The following ARSJ variants were observed in gnomAD, a reference collection of about 807,000 sequenced individuals.
ARSJ encodes arylsulfatase J.
ARSJ carries 26 observed loss-of-function variants against 35.9 expected under a neutral mutation model. That is an observed-to-expected ratio of 0.72 (90% CI 0.53 to 1.00). The LOEUF (loss-of-function observed/expected upper bound fraction) is 1.00. Among genes scored for constraint, ARSJ ranks in the 50% least tolerant of loss-of-function variants. ARSJ has a pLI of 0.00. For missense variants in ARSJ, 667 were observed against 723.6 expected, an observed-to-expected ratio of 0.92 and a Z score of 0.90; for synonymous variants, 294 against 267.6, an observed-to-expected ratio of 1.10 and a Z score of -0.96.
intron 1 of ARSJ, among the ~76,000 whole-genome samples, chr4:113,971,311 G>A (rs1594519158): frequency 6.6e-6 from 1 of 152,162 alleles, no homozygotes; most frequent in African/African-American, 2.4e-5. Flanking sequence ...ATTTCTAAGA[G>A]TTGTCATTTG....
intron 1 of ARSJ, chr4:113,946,508 A>G (rs1292224114): frequency 1.3e-5 from 2 of 151,736 alleles, no homozygotes; most frequent in African/African-American, 4.8e-5. Flanking sequence ...GTTGTCTCCA[A>G]TGAGAATTTC....
chr4:113,978,333 G>T, intron 1 of ARSJ, 104 bp downstream of exon 1: 2 of 1,071,012 alleles, frequency 1.9e-6, no homozygotes, highest in Non-Finnish European at 2.7e-6. Flanking sequence ...CATTCATTCA[G>T]TTGTTCCCCA....
chr4:113,939,854 T>C (rs1725029231), intron 1 of ARSJ, among the ~76,000 whole-genome samples: 1 of 152,102 alleles, frequency 6.6e-6, no homozygotes, highest in Non-Finnish European at 1.5e-5. Context: ...GCGAAAATTT[T>C]CTCCCATTTT....
chr4:113,932,420 C>A (rs1429278497), intron 1 of ARSJ, among the ~76,000 whole-genome samples: 1 of 152,004 alleles, frequency 6.6e-6, no homozygotes, highest in Non-Finnish European at 1.5e-5. Flanking sequence ...TTTTCAACAG[C>A]AAATGGAACA....
chr4:113,922,313 C>G (rs943918216), intron 1 of ARSJ, among the ~76,000 whole-genome samples: 2 of 152,054 alleles, frequency 1.3e-5, no homozygotes, highest in Non-Finnish European at 1.5e-5. Context: ...AGTTTGTAAT[C>G]AACAAAGAAA....
chr4:113,917,559 A>G (rs938877754), intron 1 of ARSJ, among the ~76,000 whole-genome samples: 1 of 152,204 alleles, frequency 6.6e-6, no homozygotes, highest in African/African-American at 2.4e-5. Flanking sequence ...CAAGCTAAAA[A>G]TAAATCATTC....
chr4:113,948,539 A>G (rs1475599726), intron 1 of ARSJ, among the ~76,000 whole-genome samples: 1 of 151,746 alleles, frequency 6.6e-6, no homozygotes, highest in African/African-American at 2.4e-5. Context: ...ATCCTTTATT[A>G]TGCTACGATA....
Position 113,902,511 on chromosome 4 carries a change from C to T in ARSJ, c.1563G>A (p.Arg521=), listed in dbSNP as rs61730233. 24,485 of 1,614,108 alleles carry T rather than the reference C, an allele frequency of 0.015. 232 individuals carry two copies. Among genetic ancestry groups the T allele is most frequent in the South Asian group, 0.018 (1,605 of 91,074 alleles). Residue 521 remains arginine, a synonymous_variant, in exon 2 of 2, where the codon CGG becomes CGA. Transcript: ENST00000315366. ...CAGTTTTGTTGAACTGTGAGAGCCT[C>T]CGTAGGAGCTTCTTCACGATTCCTG... ...RYPGIVKKLL[R]RLSQFNKTAV... is the part of the protein sequence containing the mutation.
chr4:113,918,883 C>G (rs542881669), intron 1 of ARSJ, among the ~76,000 whole-genome samples: 3 of 152,176 alleles, frequency 2.0e-5, no homozygotes, highest in Non-Finnish European at 2.9e-5. Context: ...GCCCCAACCT[C>G]CCAGGCTTAA....
intron 1 of ARSJ, among the ~76,000 whole-genome samples, chr4:113,930,958 A>T (rs1439805359): frequency 2.7e-5 from 4 of 149,654 alleles, no homozygotes; most frequent in Admixed American, 6.7e-5. Flanking sequence ...TCTCACTCAT[A>T]GGTGGGAATT....
rs527275707 is a variant in ARSJ at position 113,952,303 on chromosome 4, C to T, written c.398+26134G>A. On this transcript the variant is annotated intron_variant, in intron 1 of 1. Transcript: ENST00000315366. ...AATCACCAATTCCTGTAGTAACTTA[C>T]TGAATAAAAACCAACTTCCCAGCCA... 2.0e-5 allele frequency among the ~76,000 whole-genome samples: 3 copies of T among 152,186 alleles called. No individual in the cohort carries two copies. In the South Asian group the frequency reaches 6.2e-4, roughly 32 times the overall value.
intron 1 of ARSJ, among the ~76,000 whole-genome samples, chr4:113,966,909 C>A (rs928973953): frequency 6.6e-6 from 1 of 152,146 alleles, no homozygotes; most frequent in Non-Finnish European, 1.5e-5. Flanking sequence ...TCATCTATGG[C>A]TGGTCCTTAC....
intron 1 of ARSJ, among the ~76,000 whole-genome samples, chr4:113,968,286 C>G (rs941486977): frequency 1.3e-5 from 2 of 152,032 alleles, no homozygotes; most frequent in African/African-American, 4.8e-5. Context: ...TATGTATATA[C>G]ATATAATATT....
At chr4:113,953,957 TA>T (rs1300992271) in intron 1 of ARSJ, among the ~76,000 whole-genome samples, 3 of 152,002 alleles carry the variant, frequency 2.0e-5, no homozygotes, top group Admixed American at 1.3e-4. Flanking sequence ...GCAATATTTC[TA>T]AATATACTGG....
intron 1 of ARSJ, among the ~76,000 whole-genome samples, chr4:113,908,551 G>C (rs1054442096): frequency 6.7e-6 from 1 of 149,978 alleles, no homozygotes; most frequent in African/African-American, 2.5e-5. Flanking sequence ...TTAATAAAAA[G>C]CAAGAGACAA....
chr4:113,938,076 C>A (rs1724883705), intron 1 of ARSJ, among the ~76,000 whole-genome samples: 1 of 151,810 alleles, frequency 6.6e-6, no homozygotes. Context: ...GCTGGTATAC[C>A]CAGAATAATC....
rs1172795683 is a variant in ARSJ, at chr4:113,900,817, TCTC to T, written c.*1454_*1456del. 2 of 152,110 alleles carry T rather than the reference TCTC, an allele frequency of 1.3e-5. No homozygotes were observed. The highest frequency in any genetic ancestry group is 4.8e-5 in the African/African-American group (2 of 41,404). 9.4% of individuals were successfully genotyped at this position (152,110 alleles called of 1,614,324 possible). On this transcript the variant is annotated 3_prime_UTR_variant, in exon 2 of 2. Coordinates refer to ENST00000315366, the MANE Select transcript of ARSJ (RefSeq NM_024590.4). ...TCATTACTGATAATACTCCTTTAAT[TCTC>T]CTCATGACGTTTGCATGTGGGGTTT...
intron 1 of ARSJ, among the ~76,000 whole-genome samples, chr4:113,914,145 T>C (rs1263102352): frequency 6.6e-6 from 1 of 151,992 alleles, no homozygotes; most frequent in Non-Finnish European, 1.5e-5. Context: ...AGCTAATTTT[T>C]GTATTTTTAT....
At chr4:113,906,302 T>C (rs1242345871) in intron 1 of ARSJ, among the ~76,000 whole-genome samples, 1 of 152,102 alleles carries the variant, frequency 6.6e-6, no homozygotes, top group African/African-American at 2.4e-5. Context: ...TTCTCACCTA[T>C]TGGCAAAGGC....
Sources: gnomAD v4.1 joint callset for allele counts (sites outside exome capture counted in the v4.1 genomes callset) on GRCh38, gnomAD v4.1.1 for gene constraint, MANE v1.5 for transcripts, NCBI Gene and HGNC (gene_info 2026-07-23, HGNC 2026-07-21) for gene names.